The following CACNA2D3 variants were observed in gnomAD, a reference collection of about 807,000 sequenced individuals.
The protein encoded by CACNA2D3 is calcium voltage-gated channel auxiliary subunit alpha2delta 3, also known as voltage-dependent calcium channel subunit alpha-2/delta-3.
Under a neutral mutation model 160.6 loss-of-function variants are expected in CACNA2D3, and 60 were observed. The ratio of observed to expected loss-of-function variants is 0.37; its 90% CI spans 0.30 to 0.46. The LOEUF (loss-of-function observed/expected upper bound fraction) is 0.46. Among genes scored for constraint, CACNA2D3 ranks in the 20% least tolerant of loss-of-function variants. The probability of loss-of-function intolerance (pLI) is 1.00; values close to 1 mark genes in which losing one functional copy is unlikely to be tolerated. For missense variants in CACNA2D3, 1,205 were observed against 1,365.0 expected, an observed-to-expected ratio of 0.88 and a Z score of 1.85; for synonymous variants, 558 against 492.9, an observed-to-expected ratio of 1.13 and a Z score of -1.75.
intron 11 of CACNA2D3, among the ~76,000 whole-genome samples, chr3:54,679,851 A>G (rs1387365717): frequency 1.3e-5 from 2 of 152,258 alleles, no homozygotes; most frequent in African/African-American, 4.8e-5. Flanking sequence ...GAATAAAATT[A>G]CCTTTTTGGC....
At chr3:54,938,528 C>T (rs1000323717) in intron 27 of CACNA2D3, among the ~76,000 whole-genome samples, 14 of 152,054 alleles carry the variant, frequency 9.2e-5, no homozygotes, top group Non-Finnish European at 1.5e-5. Flanking sequence ...CCAAATGCCC[C>T]TAAAGTATAT....
rs373516274 is a variant in CACNA2D3 at position 54,763,788 on chromosome 3, T to C, written c.1247-430T>C. ...ATATATGTATATATGTACATATATATGTATATATATGTACATATATATACA... is the reference window on the plus strand; with the variant it reads ...ATATATGTATATATGTACATATATACGTATATATATGTACATATATATACA... On this transcript the variant is annotated intron_variant, in intron 12 of 37. Transcript: ENST00000474759. 9.9e-4 allele frequency among the ~76,000 whole-genome samples: 38 copies of C among 38,536 alleles called. 5 individuals are homozygous for C. Among genetic ancestry groups the C allele is most frequent in the African/African-American group, 1.4e-3 (14 of 10,170 alleles). 25.3% of individuals were successfully genotyped at this position (38,536 alleles called of 152,430 possible). A position where few individuals can be genotyped will look rare whatever the true frequency, so the allele number is the denominator to read the frequency against.
chr3:54,798,298 G>C (rs1702910698), intron 13 of CACNA2D3, among the ~76,000 whole-genome samples: 1 of 152,136 alleles, frequency 6.6e-6, no homozygotes, highest in South Asian at 2.1e-4. Context: ...ACTTTGGGAG[G>C]CTGAGGCAGG....
rs368785187 is a variant in CACNA2D3, at chr3:54,689,010, A to AGGAG, written c.1167+46769_1167+46770insGGAG. Among the ~76,000 whole-genome samples the AGGAG allele has an allele frequency of 2.3e-5, 2 of 85,496 alleles. 1 individual carries two copies. Among genetic ancestry groups the AGGAG allele is most frequent in the Non-Finnish European group, 4.4e-5 (2 of 45,154 alleles). 56.1% of individuals were successfully genotyped at this position (85,496 alleles called of 152,430 possible). A position where few individuals can be genotyped will look rare whatever the true frequency, so the allele number is the denominator to read the frequency against. ...AAAAAAAAAAAAAAAAAAAAAAAAAAAGAATGAGGTTGTATACATAAAGCA... is the reference window on the plus strand; with the variant it reads ...AAAAAAAAAAAAAAAAAAAAAAAAAAGGAGAGAATGAGGTTGTATACATAAAGCA... On this transcript the variant is annotated intron_variant, in intron 11 of 37. Transcript: ENST00000474759.
intron 10 of CACNA2D3, chr3:54,639,555 T>C (rs1699461481): frequency 5.7e-6 from 1 of 174,020 alleles, no homozygotes; most frequent in African/African-American, 2.4e-5. Context: ...AGAAAGAGGT[T>C]GAGGGATAGT....
chr3:54,646,665 A>C (rs1699659052), intron 11 of CACNA2D3, among the ~76,000 whole-genome samples: 1 of 152,140 alleles, frequency 6.6e-6, no homozygotes, highest in Non-Finnish European at 1.5e-5. Flanking sequence ...ACTGATGGGC[A>C]TTTAGGTCAA....
chr3:54,627,753 A>C, intron 9 of CACNA2D3, 34 bp from the exon 10 acceptor site: 1 of 1,391,834 alleles, frequency 7.2e-7, no homozygotes, highest in Non-Finnish European at 1.0e-6. Context: ...ATAACAGGAC[A>C]GACACTAATG....
chr3:54,474,946 C>G (rs561308947), intron 4 of CACNA2D3, among the ~76,000 whole-genome samples: 33 of 152,198 alleles, frequency 2.2e-4, no homozygotes, highest in African/African-American at 7.2e-4. Flanking sequence ...TTAGTGAGGC[C>G]TAGGAAATCA....
At chr3:54,397,610 C>T (rs1387864134) in intron 4 of CACNA2D3, among the ~76,000 whole-genome samples, 6 of 118,314 alleles carry the variant, frequency 5.1e-5, no homozygotes, top group African/African-American at 1.9e-4. Context: ...GTTCAGTTTC[C>T]ATGTAGTTGA....
chr3:54,944,812 GGGGTGTGT>G (rs59619807), intron 27 of CACNA2D3, among the ~76,000 whole-genome samples: 22,759 of 146,250 alleles, frequency 0.16, 2,057 homozygotes, highest in African/African-American at 0.29. Context: ...GTTAGAGCTG[GGGGTGTGT>G]GTGTGTGTGT....
chr3:54,995,230 TC>T (rs1702830159), intron 31 of CACNA2D3, among the ~76,000 whole-genome samples: 1 of 152,110 alleles, frequency 6.6e-6, no homozygotes, highest in Non-Finnish European at 1.5e-5. Flanking sequence ...TGCCTCAGCC[TC>T]CCAAAGTGCT....
At position 54,633,787 on chromosome 3, in the gene CACNA2D3, TAACA is replaced by T. The variant is rs1381771218; in HGVS notation, c.1053+5916_1053+5919del. On this transcript the variant is annotated intron_variant, in intron 10 of 37. Coordinates refer to ENST00000474759, the MANE Select transcript of CACNA2D3 (RefSeq NM_018398.3). Reference sequence around the variant, plus strand: ...GTATTAATACACGTAGCCTGGCATATAACAAACATTGAACATTTAACCTGTGGTG... The same window carrying T: ...GTATTAATACACGTAGCCTGGCATATAACATTGAACATTTAACCTGTGGTG... The T allele has an allele frequency of 2.6e-5, 4 of 152,328 alleles. No individual in the cohort carries two copies. In the South Asian group the frequency reaches 6.2e-4, roughly 24 times the overall value. 9.4% of individuals were successfully genotyped at this position (152,328 alleles called of 1,614,324 possible).
chr3:54,891,076 A>G (rs1700054150), intron 24 of CACNA2D3, among the ~76,000 whole-genome samples: 1 of 152,160 alleles, frequency 6.6e-6, no homozygotes, highest in Non-Finnish European at 1.5e-5. Context: ...GGTTGGAAGT[A>G]GATTTTTTTC....
At chr3:54,878,970 CATG>C (rs1193045344) in intron 18 of CACNA2D3, 45 bp from the exon 19 acceptor site, 1 of 1,214,802 alleles carries the variant, frequency 8.2e-7, no homozygotes, top group East Asian at 2.4e-5. Flanking sequence ...GTCCAGATTA[CATG>C]ATAACCCAGG....
chr3:54,821,709 CTTCT>C (rs1703605040), intron 14 of CACNA2D3, among the ~76,000 whole-genome samples: 32 of 121,092 alleles, frequency 2.6e-4, no homozygotes, highest in Middle Eastern at 3.9e-3. Context: ...TCCTTCCTTC[CTTCT>C]TTCCTCTCTC....
At chr3:54,440,014 A>T (rs6414577) in intron 4 of CACNA2D3, among the ~76,000 whole-genome samples, 3 of 152,184 alleles carry the variant, frequency 2.0e-5, no homozygotes, top group African/African-American at 4.8e-5. Flanking sequence ...TGGCCAGCCT[A>T]GCATTCAGTC....
intron 5 of CACNA2D3, among the ~76,000 whole-genome samples, chr3:54,523,766 A>G (rs976857747): frequency 6.6e-6 from 1 of 151,936 alleles, no homozygotes; most frequent in African/African-American, 2.4e-5. Flanking sequence ...TGTCCATTTC[A>G]TCTAAGTTAT....
chr3:54,911,183 C>G (rs941262283), intron 27 of CACNA2D3, among the ~76,000 whole-genome samples: 1 of 151,988 alleles, frequency 6.6e-6, no homozygotes, highest in African/African-American at 2.4e-5. Flanking sequence ...AAAATAATTC[C>G]TAAATCTATT....
chr3:54,952,197 T>C lies in CACNA2D3; in HGVS notation c.2450-16253T>C, dbSNP rs529378868. ...CTGCACCCCTGTTGGTTCTATACTA[T>C]TTCTTCCCTCTGTAACCGCCTTCTT... On this transcript the variant is annotated intron_variant, in intron 27 of 37. Transcript: ENST00000474759. 4.6e-5 allele frequency among the ~76,000 whole-genome samples: 7 copies of C among 152,288 alleles called. 1 individual carries two copies. The highest frequency in any genetic ancestry group is 1.7e-4 in the African/African-American group (7 of 41,568).
Sources: gnomAD v4.1 joint callset for allele counts (sites outside exome capture counted in the v4.1 genomes callset) on GRCh38, gnomAD v4.1.1 for gene constraint, MANE v1.5 for transcripts, NCBI Gene and HGNC (gene_info 2026-07-23, HGNC 2026-07-21) for gene names.